UBE2E2: variants seen among roughly 807,000 people sequenced by gnomAD.
The protein encoded by UBE2E2 is ubiquitin conjugating enzyme E2 E2.
UBE2E2 carries 6 observed loss-of-function variants against 24.7 expected under a neutral mutation model. That is an observed-to-expected ratio of 0.24 (90% confidence interval 0.13 to 0.48). The LOEUF (loss-of-function observed/expected upper bound fraction) is 0.48, where lower values mean the gene tolerates loss of function less well. Among genes scored for constraint, UBE2E2 ranks in the 20% least tolerant of loss-of-function variants. UBE2E2 has a pLI of 0.99. For synonymous variants in UBE2E2, 104 were observed against 83.6 expected (o/e 1.24, Z -1.33); for missense variants, 169 against 245.0 (o/e 0.69, Z 2.07).
At chr3:23,578,754 A>G (rs1376004669) in intron 5 of UBE2E2, among the ~76,000 whole-genome samples, 4 of 152,152 alleles carry the variant, frequency 2.6e-5, no homozygotes. Context: ...GGTGAGGAAC[A>G]GCACACCCTG....
At chr3:23,491,529 CTT>C (rs1186272571) in intron 3 of UBE2E2, among the ~76,000 whole-genome samples, 1 of 152,156 alleles carries the variant, frequency 6.6e-6, no homozygotes, top group Non-Finnish European at 1.5e-5. Context: ...TACAGAACAT[CTT>C]ATGCAAAAGC....
chr3:23,571,735 ACAGG>A (rs1696237196), intron 5 of UBE2E2, among the ~76,000 whole-genome samples: 1 of 152,096 alleles, frequency 6.6e-6, no homozygotes, highest in Non-Finnish European at 1.5e-5. Context: ...AAATTTCCAG[ACAGG>A]GATAACACTC....
At position 23,583,863 on chromosome 3, in the gene UBE2E2, A is replaced by G. The variant is rs1696545098; in HGVS notation, c.509-5871A>G. Reference sequence around the variant, plus strand: ...GTATAGAATCATATCGTCTACAAACAGGGATAGTTTGACTTCCTCCCTTCC... The same window carrying G: ...GTATAGAATCATATCGTCTACAAACGGGGATAGTTTGACTTCCTCCCTTCC... On this transcript the variant is annotated intron_variant, in intron 5 of 5. Coordinates refer to ENST00000396703, the MANE Select transcript of UBE2E2 (RefSeq NM_152653.4). This position sits in a 1 kb window ranked among gnomAD's most constrained non-coding sequence, Gnocchi z 4.1. 1.3e-5 allele frequency among the ~76,000 whole-genome samples: 2 copies of G among 152,198 alleles called. No individual in the cohort carries two copies. Among genetic ancestry groups the G allele is most frequent in the Admixed American group, 6.5e-5 (1 of 15,276 alleles).
intron 5 of UBE2E2, among the ~76,000 whole-genome samples, chr3:23,560,321 G>A (rs1258379820): frequency 1.3e-5 from 2 of 150,322 alleles, no homozygotes; most frequent in Non-Finnish European, 1.5e-5. Flanking sequence ...GCGGTGTTTG[G>A]TTTTCTGTCC....
intron 3 of UBE2E2, among the ~76,000 whole-genome samples, chr3:23,398,535 T>A (rs1344182678): frequency 6.6e-6 from 1 of 152,150 alleles, no homozygotes; most frequent in Non-Finnish European, 1.5e-5. Context: ...AAGACAGATG[T>A]TTTCCATGAA....
At chr3:23,440,017 A>G (rs35649850) in intron 3 of UBE2E2, among the ~76,000 whole-genome samples, 9,704 of 151,764 alleles carry the variant, frequency 0.064, 464 homozygotes, top group Non-Finnish European at 0.087. Context: ...CACGCCTGTA[A>G]TCCCAGTGCT....
intron 2 of UBE2E2, among the ~76,000 whole-genome samples, chr3:23,211,547 CA>C (rs1410744087): frequency 1.3e-5 from 2 of 151,798 alleles, no homozygotes; most frequent in Non-Finnish European, 2.9e-5. Flanking sequence ...TGTGTCACCA[CA>C]CCAGGTTAAA....
At chr3:23,558,711 T>G (rs921082834) in intron 5 of UBE2E2, among the ~76,000 whole-genome samples, 18 of 152,120 alleles carry the variant, frequency 1.2e-4, no homozygotes, top group African/African-American at 3.9e-4. Context: ...CCATCCAGGA[T>G]GAGGATATTA....
intron 3 of UBE2E2, among the ~76,000 whole-genome samples, chr3:23,437,308 C>T (rs970749753): frequency 1.1e-4 from 17 of 152,194 alleles, no homozygotes; most frequent in African/African-American, 2.2e-4. Context: ...CCACCTAAAA[C>T]TGGCCCTTTT....
intron 3 of UBE2E2, among the ~76,000 whole-genome samples, chr3:23,432,174 G>T (rs1698077394): frequency 6.6e-6 from 1 of 152,114 alleles, no homozygotes; most frequent in African/African-American, 2.4e-5. Flanking sequence ...TTCTAAAATG[G>T]TATGTGTAGA....
At chr3:23,555,174 CAA>C (rs2125500881) in intron 5 of UBE2E2, among the ~76,000 whole-genome samples, 1 of 152,236 alleles carries the variant, frequency 6.6e-6, no homozygotes, top group African/African-American at 2.4e-5. Flanking sequence ...GCCTCGGCCT[CAA>C]AGTGCTGGGA....
At chr3:23,394,339 G>T (rs1292279394) in intron 3 of UBE2E2, among the ~76,000 whole-genome samples, 1 of 152,116 alleles carries the variant, frequency 6.6e-6, no homozygotes, top group Non-Finnish European at 1.5e-5. Context: ...TAAAAATATT[G>T]TATATTTTTA....
chr3:23,523,969 TG>T (rs548199942), intron 4 of UBE2E2, among the ~76,000 whole-genome samples: 1 of 151,162 alleles, frequency 6.6e-6, no homozygotes, highest in Non-Finnish European at 1.5e-5. Flanking sequence ...TTTGTGGGGT[TG>T]GGGGGTTCTC....
At chr3:23,402,255 A>C (rs1375172248) in intron 3 of UBE2E2, among the ~76,000 whole-genome samples, 1 of 152,216 alleles carries the variant, frequency 6.6e-6, no homozygotes, top group East Asian at 1.9e-4. Context: ...TAAACTTAGA[A>C]CAAGACTAGA....
At chr3:23,494,693 A>G (rs951336609) in intron 3 of UBE2E2, among the ~76,000 whole-genome samples, 2 of 152,036 alleles carry the variant, frequency 1.3e-5, no homozygotes, top group Non-Finnish European at 2.9e-5. Context: ...CTAAAACCCA[A>G]TTTTTATATG....
intron 3 of UBE2E2, among the ~76,000 whole-genome samples, chr3:23,461,411 G>C (rs1228028688): frequency 6.6e-6 from 1 of 151,820 alleles, no homozygotes; most frequent in Non-Finnish European, 1.5e-5. Context: ...TCTTAGAGCT[G>C]TTCAGCAGTG....
intron 3 of UBE2E2, among the ~76,000 whole-genome samples, chr3:23,350,391 A>T (rs1327699004): frequency 6.6e-6 from 1 of 152,256 alleles, no homozygotes; most frequent in Admixed American, 6.5e-5. Flanking sequence ...ACGGAGAATG[A>T]CTTTGATGAG....
At chr3:23,588,648 G>A (rs1280226346) in intron 5 of UBE2E2, among the ~76,000 whole-genome samples, 1 of 151,976 alleles carries the variant, frequency 6.6e-6, no homozygotes, top group African/African-American at 2.4e-5. Context: ...ACCCTGTTAA[G>A]TTAAGCACCC....
At chr3:23,382,967 G>T (rs1382871634) in intron 3 of UBE2E2, among the ~76,000 whole-genome samples, 1 of 152,154 alleles carries the variant, frequency 6.6e-6, no homozygotes, top group Non-Finnish European at 1.5e-5. Flanking sequence ...GCATTGTAAT[G>T]TACGTTAAGG....
Sources: allele counts gnomAD v4.1 joint callset (sites outside exome capture counted in the v4.1 genomes callset), GRCh38; gene constraint gnomAD v4.1.1; non-coding constraint Gnocchi (gnomAD v3.1); transcripts MANE v1.5; gene names NCBI Gene and HGNC (gene_info 2026-07-23, HGNC 2026-07-21).